The following CNTNAP4 variants were observed in gnomAD, a reference collection of about 807,000 sequenced individuals.
CNTNAP4 encodes contactin-associated protein-like 4.
Under a neutral mutation model 148.4 loss-of-function variants are expected in CNTNAP4, and 98 were observed. The ratio of observed to expected loss-of-function variants is 0.66; its 90% CI spans 0.56 to 0.78. The LOEUF is 0.78. CNTNAP4 is among the 30% of genes least tolerant of loss of function. The pLI, the probability that CNTNAP4 is intolerant of heterozygous loss-of-function variation, is 0.00. For synonymous variants in CNTNAP4, 730 were observed against 565.1 expected, an observed-to-expected ratio of 1.29 and a Z score of -4.14; for missense variants, 1,935 against 1,565.6, an observed-to-expected ratio of 1.24 and a Z score of -3.98.
intron 3 of CNTNAP4, among the ~76,000 whole-genome samples, chr16:76,373,289 T>C (rs929754215): frequency 1.3e-5 from 2 of 151,810 alleles, no homozygotes; most frequent in African/African-American, 4.8e-5. Context: ...TCCACATAAA[T>C]ATGTGAAATA....
chr16:76,359,161 C>T (rs568816343), intron 3 of CNTNAP4, among the ~76,000 whole-genome samples: 22 of 152,222 alleles, frequency 1.4e-4, no homozygotes, highest in African/African-American at 5.3e-4. Flanking sequence ...TTACATTTTA[C>T]AAATGTGTAT....
Position 76,522,652 on chromosome 16 carries a change from CTCTTTCTCT to C in CNTNAP4, c.2755+396_2755+404del, listed in dbSNP as rs1220590159. Among the ~76,000 whole-genome samples, 2 of 66,376 alleles carry C rather than the reference CTCTTTCTCT, an allele frequency of 3.0e-5. 1 individual carries two copies. Among genetic ancestry groups the C allele is most frequent in the African/African-American group, 1.2e-4 (2 of 16,786 alleles). The allele number at this position is 66,376 out of a possible 152,430, so 43.5% of individuals were successfully genotyped here. A position where few individuals can be genotyped will look rare whatever the true frequency, so the allele number is the denominator to read the frequency against. On this transcript the variant is annotated intron_variant, in intron 17 of 23. Transcript: ENST00000611870. ...TTCCTTCCTTCTTTCTTTCTTTTCTCTCTTTCTCTCTTTCCTTCTTTCTCTCTTTCTCTC... is the reference window on the plus strand; with the variant it reads ...TTCCTTCCTTCTTTCTTTCTTTTCTCCTTTCCTTCTTTCTCTCTTTCTCTC...
At chr16:76,417,481 C>T (rs4270197) in intron 3 of CNTNAP4, among the ~76,000 whole-genome samples, 52,912 of 151,142 alleles carry the variant, frequency 0.35, 10,914 homozygotes, top group Non-Finnish European at 0.44. Flanking sequence ...GTATTCCTAA[C>T]TTCTCCCTTA....
At chr16:76,517,642 C>A (rs2083299139) in intron 15 of CNTNAP4, among the ~76,000 whole-genome samples, 1 of 152,116 alleles carries the variant, frequency 6.6e-6, no homozygotes, top group Admixed American at 6.6e-5. Flanking sequence ...TTTTTAAATA[C>A]TGTTCCTTTA....
chr16:76,494,792 A>G (rs1013529685), intron 13 of CNTNAP4, 118 bp from the exon 14 acceptor site: 7 of 1,117,248 alleles, frequency 6.3e-6, no homozygotes, highest in Admixed American at 2.4e-5. Flanking sequence ...AATCCAATCA[A>G]TCTTTCTCCT....
intron 2 of CNTNAP4, among the ~76,000 whole-genome samples, chr16:76,321,349 C>T (rs1303040427): frequency 6.6e-6 from 1 of 152,110 alleles, no homozygotes; most frequent in Non-Finnish European, 1.5e-5. Context: ...TGCTTCTTTG[C>T]AAACAACTAT....
chr16:76,389,893 C>T (rs2016825118), intron 3 of CNTNAP4, among the ~76,000 whole-genome samples: 6 of 152,094 alleles, frequency 3.9e-5, no homozygotes. Context: ...AGAAGCAGAA[C>T]CTGAGACAAG....
chr16:76,540,520 A>G (rs1013723400), intron 20 of CNTNAP4, among the ~76,000 whole-genome samples, 183 bp from the exon 21 acceptor site: 2 of 151,182 alleles, frequency 1.3e-5, no homozygotes, highest in Non-Finnish European at 2.9e-5. Context: ...TAATAATTAT[A>G]TAATAACACT....
chr16:76,455,784 A>C (rs938221615), intron 8 of CNTNAP4, among the ~76,000 whole-genome samples: 9 of 152,110 alleles, frequency 5.9e-5, no homozygotes, highest in African/African-American at 1.7e-4. Context: ...CTGAACTCCT[A>C]CCCTATATGG....
chr16:76,400,335 G>A (rs1341970259), intron 3 of CNTNAP4, among the ~76,000 whole-genome samples: 1 of 152,000 alleles, frequency 6.6e-6, no homozygotes, highest in East Asian at 1.9e-4. Flanking sequence ...CACTCATTTA[G>A]CAAATTTGAA....
At chr16:76,386,910 A>T (rs1372927344) in intron 3 of CNTNAP4, among the ~76,000 whole-genome samples, 1 of 152,132 alleles carries the variant, frequency 6.6e-6, no homozygotes, top group Non-Finnish European at 1.5e-5. Flanking sequence ...GTGGAAGGAG[A>T]ATAGAGTTAT....
In CNTNAP4 at chr16:76,448,085, A is replaced by G. The variant is rs762592631; in HGVS notation, c.612A>G (p.Ile204Met). Residue 204 changes from isoleucine to methionine, a missense_variant, in exon 5 of 24, where the codon ATA becomes ATG. By Grantham distance (10) the Ile-to-Met change is conservative. Transcript: ENST00000611870. Reference sequence around the variant, plus strand: ...TTGATCAAAAATCCCTGAGCCCAATAAAAGACATTATTTCTTTGAAATTCA... The same window carrying G: ...TTGATCAAAAATCCCTGAGCCCAATGAAAGACATTATTTCTTTGAAATTCA... ...YRFDQKSLSP[I>M]KDIISLKFKT... The G allele has an allele frequency of 7.4e-6, 12 of 1,613,658 alleles. No homozygotes were observed. The highest frequency in any genetic ancestry group is 1.7e-5 in the Admixed American group (1 of 59,998).
At chr16:76,441,750 A>C (rs2080051234) in intron 4 of CNTNAP4, among the ~76,000 whole-genome samples, 1 of 152,206 alleles carries the variant, frequency 6.6e-6, no homozygotes, top group Non-Finnish European at 1.5e-5. Flanking sequence ...AAATGTACTT[A>C]TTAAACTATT....
At chr16:76,555,999 A>G (rs778696158) in intron 23 of CNTNAP4, among the ~76,000 whole-genome samples, 2 of 152,172 alleles carry the variant, frequency 1.3e-5, no homozygotes, top group African/African-American at 2.4e-5. Flanking sequence ...ATCTGGTAGA[A>G]CTGTGGTAGA....
chr16:76,360,815 A>ATTTTTTTTT (rs397745852), intron 3 of CNTNAP4, among the ~76,000 whole-genome samples: 1 of 122,306 alleles, frequency 8.2e-6, no homozygotes, highest in African/African-American at 3.1e-5. Context: ...ACATGGCTGC[A>ATTTTTTTTT]TTTTTTTTTT....
chr16:76,558,720 T>G lies in CNTNAP4; in HGVS notation c.*37T>G. ...GATTTAACATAAAATTATGATAGTT[T>G]GTTTTAATAGCCAGGGGTTCTCAAT... On this transcript the variant is annotated 3_prime_UTR_variant, in exon 24 of 24. Transcript: ENST00000611870. The G allele has an allele frequency of 5.3e-6, 8 of 1,496,342 alleles. No individual in the cohort carries two copies. Among genetic ancestry groups the G allele is most frequent in the Non-Finnish European group, 7.3e-6 (8 of 1,094,566 alleles). 92.7% of individuals were successfully genotyped at this position (1,496,342 alleles called of 1,614,324 possible).
At chr16:76,289,125 T>A (rs2143811204) in intron 1 of CNTNAP4, among the ~76,000 whole-genome samples, 1 of 152,280 alleles carries the variant, frequency 6.6e-6, no homozygotes, top group Admixed American at 6.5e-5. Flanking sequence ...CAAATTATTT[T>A]GGATTGAGGA....
intron 2 of CNTNAP4, among the ~76,000 whole-genome samples, chr16:76,333,540 G>T (rs560292987): frequency 2.0e-5 from 3 of 151,918 alleles, no homozygotes; most frequent in Non-Finnish European, 4.4e-5. Context: ...CTCTTTGAGC[G>T]TATTAAAGAT....
intron 7 of CNTNAP4, 93 bp downstream of exon 7, chr16:76,449,951 G>A (rs989263832): frequency 2.0e-6 from 2 of 1,024,888 alleles, no homozygotes; most frequent in Non-Finnish European, 1.4e-6. Context: ...TTGACATGGG[G>A]TTTTAGAGGT....
Sources: gnomAD v4.1 joint callset for allele counts (sites outside exome capture counted in the v4.1 genomes callset) on GRCh38, gnomAD v4.1.1 for gene constraint, MANE v1.5 for transcripts, NCBI Gene and HGNC (gene_info 2026-07-23, HGNC 2026-07-21) for gene names.